Variants in PLAA observed in about 807,000 individuals in gnomAD.
The protein encoded by PLAA is phospholipase A2 activating protein.
PLAA carries 48 observed loss-of-function variants against 84.1 expected under a neutral mutation model. The ratio of observed to expected loss-of-function variants is 0.57; its 90% confidence interval spans 0.45 to 0.73. The LOEUF (loss-of-function observed/expected upper bound fraction) is 0.73, where lower values mean the gene tolerates loss of function less well. Ranked by LOEUF, PLAA falls within the 30% of genes least tolerant of loss-of-function variation. The pLI is 0.00. For missense variants in PLAA, 903 were observed against 954.7 expected, an observed-to-expected ratio of 0.95 and a Z score of 0.71; for synonymous variants, 392 against 336.6, an observed-to-expected ratio of 1.16 and a Z score of -1.80.
chr9:26,924,851 G>A (rs571522791), intron 6 of PLAA, among the ~76,000 whole-genome samples: 1 of 152,220 alleles, frequency 6.6e-6, no homozygotes, highest in African/African-American at 2.4e-5. Flanking sequence ...GAAGCTTTGC[G>A]AAATCTTTAT....
chr9:26,938,868 T>C (rs906563964), intron 1 of PLAA, among the ~76,000 whole-genome samples: 1 of 152,194 alleles, frequency 6.6e-6, no homozygotes, highest in East Asian at 1.9e-4. Context: ...AAAGTAATTA[T>C]TACTTTATGT....
intron 9 of PLAA, among the ~76,000 whole-genome samples, chr9:26,918,935 A>G (rs1318037470): frequency 6.6e-6 from 1 of 152,220 alleles, no homozygotes; most frequent in African/African-American, 2.4e-5. Flanking sequence ...AACTACCCAT[A>G]GGGTTCACTT....
intron 1 of PLAA, among the ~76,000 whole-genome samples, chr9:26,942,412 T>C (rs1472246378): frequency 6.6e-6 from 1 of 152,232 alleles, no homozygotes; most frequent in Non-Finnish European, 1.5e-5. Flanking sequence ...CCAATGTATC[T>C]AAAGGCCTTA....
chr9:26,926,685 CTTT>C (rs1255230385), intron 4 of PLAA, 125 bp from the exon 5 acceptor site: 1 of 668,588 alleles, frequency 1.5e-6, no homozygotes, highest in Admixed American at 3.5e-5. Context: ...TTAGAGAAAT[CTTT>C]TTTTTTGTTG....
Position 26,920,187 on chromosome 9 carries a change from A to G in PLAA, c.1197+40T>C, listed in dbSNP as rs374276489. On this transcript the variant is annotated intron_variant, in intron 8 of 13. Transcript: ENST00000397292. ...AAAGGAAACCTTTAATTTGCCTAAT[A>G]TTTAAGACAATAGTAATTAGAAAGT... 5 of 1,560,330 alleles carry G rather than the reference A, an allele frequency of 3.2e-6. No homozygotes were observed. The African/African-American group carries it at 6.8e-5, about 21-fold the overall frequency.
At chr9:26,941,802 T>C (rs1825553937) in intron 1 of PLAA, among the ~76,000 whole-genome samples, 1 of 149,566 alleles carries the variant, frequency 6.7e-6, no homozygotes, top group Non-Finnish European at 1.5e-5. Flanking sequence ...GTTCAATATC[T>C]GAATAAAAAC....
rs1824958826 is a variant in PLAA, at chr9:26,926,299, A to T, written c.733+94T>A. ...TAAATTATTCAAGTCATAGATAGTA[A>T]ATTAAGTAATCAGCTCTCCTCCCTC... On this transcript the variant is annotated intron_variant, in intron 5 of 13. Coordinates refer to ENST00000397292, the MANE Select transcript of PLAA (RefSeq NM_001031689.3). 3.9e-6 allele frequency: 3 copies of T among 775,284 alleles called. No homozygotes were observed. The East Asian group carries it at 7.5e-5, about 19-fold the overall frequency. 48.0% of individuals were successfully genotyped at this position (775,284 alleles called of 1,614,324 possible).
Position 26,919,342 on chromosome 9 carries a change from A to G in PLAA, c.1385T>C (p.Leu462Pro). Residue 462 changes from leucine to proline, a missense_variant, in exon 9 of 14, where the codon CTT becomes CCT. Transcript: ENST00000397292. ...TGGATCTGAAAAGCTGGGATTCCCA[A>G]GTCCCAACATTTGACCTTTTGTGTT... ...IDNTKGQMLG[L>P]GNPSFSDPFT... is the part of the protein sequence containing the mutation. 6.2e-7 allele frequency: 1 copy of G among 1,611,462 alleles called. No homozygotes were observed. Among genetic ancestry groups the G allele is most frequent in the East Asian group, 2.2e-5 (1 of 44,790 alleles).
rs192929255 is a variant in PLAA at position 26,909,334 on chromosome 9, T to A, written c.1657+1004A>T. On this transcript the variant is annotated intron_variant, in intron 12 of 13. Coordinates refer to ENST00000397292, the MANE Select transcript of PLAA (RefSeq NM_001031689.3). ...CCTGTTAGATTTTCACAAGTTTTTT[T>A]AAAAAAAATCTAAAAGTGTGCATAT... Among the ~76,000 whole-genome samples, 435 of 152,212 alleles carry A rather than the reference T, an allele frequency of 2.9e-3. 4 individuals carry two copies. Among genetic ancestry groups the A allele is most frequent in the African/African-American group, 9.9e-3 (411 of 41,540 alleles).
intron 1 of PLAA, among the ~76,000 whole-genome samples, chr9:26,936,214 TAA>T (rs1428002158): frequency 6.6e-6 from 1 of 151,344 alleles, no homozygotes; most frequent in Non-Finnish European, 1.5e-5. Context: ...TGTTTTTTAA[TAA>T]AGGCTTAATT....
At chr9:26,944,252 T>C (rs1320564477) in intron 1 of PLAA, among the ~76,000 whole-genome samples, 2 of 152,196 alleles carry the variant, frequency 1.3e-5, no homozygotes, top group Admixed American at 6.5e-5. Context: ...TGCCGATACC[T>C]TGATAATGGA....
intron 6 of PLAA, among the ~76,000 whole-genome samples, chr9:26,925,599 T>C (rs867391845): frequency 1.3e-5 from 2 of 151,786 alleles, no homozygotes; most frequent in Admixed American, 6.5e-5. Context: ...AGTACAATAC[T>C]GGTATATCAT....
At chr9:26,918,216 A>G (rs928643213) in intron 9 of PLAA, among the ~76,000 whole-genome samples, 4 of 150,604 alleles carry the variant, frequency 2.7e-5, no homozygotes, top group African/African-American at 9.8e-5. Flanking sequence ...GGTTCACGTG[A>G]TTCTCCTGCC....
intron 10 of PLAA, 105 bp downstream of exon 10, chr9:26,916,992 G>C (rs971671246): frequency 1.2e-5 from 11 of 933,634 alleles, no homozygotes; most frequent in Non-Finnish European, 1.8e-5. Flanking sequence ...ATGCAGATAA[G>C]GGAATTACCA....
chr9:26,914,648 A>T (rs1351522300), intron 10 of PLAA, among the ~76,000 whole-genome samples: 1 of 152,222 alleles, frequency 6.6e-6, no homozygotes, highest in African/African-American at 2.4e-5. Context: ...TTGAAATTTA[A>T]CCATATGCCA....
rs186723583 is a variant in PLAA, at chr9:26,908,372, T to C, written c.1658-374A>G. On this transcript the variant is annotated intron_variant, in intron 12 of 13. Coordinates refer to ENST00000397292, the MANE Select transcript of PLAA (RefSeq NM_001031689.3). ...TAGTAGAGACGGGGTTTCACCACAT[T>C]AGCCAGGATGGTCTCAATCTCCTGA... Among the ~76,000 whole-genome samples the C allele has an allele frequency of 2.0e-4, 30 of 151,890 alleles. No homozygotes were observed. In the East Asian group the frequency reaches 3.3e-3, roughly 17 times the overall value.
At chr9:26,914,218 A>G (rs566684664) in intron 10 of PLAA, among the ~76,000 whole-genome samples, 1 of 151,450 alleles carries the variant, frequency 6.6e-6, no homozygotes, top group South Asian at 2.1e-4. Context: ...GGAGAGAAAT[A>G]AAAGTTTCCA....
chr9:26,935,874 T>C (rs1292560927), intron 1 of PLAA, among the ~76,000 whole-genome samples: 1 of 150,782 alleles, frequency 6.6e-6, no homozygotes, highest in African/African-American at 2.4e-5. Context: ...TAATGTTATA[T>C]ATAATTATAT....
intron 6 of PLAA, among the ~76,000 whole-genome samples, chr9:26,923,906 A>T (rs1333957666): frequency 2.0e-5 from 3 of 152,302 alleles, no homozygotes; most frequent in African/African-American, 7.2e-5. Flanking sequence ...CTGAGATAGG[A>T]GAAGCAAATT....
Sources: gnomAD v4.1 joint callset for allele counts (sites outside exome capture counted in the v4.1 genomes callset) on GRCh38, gnomAD v4.1.1 for gene constraint, MANE v1.5 for transcripts, NCBI Gene and HGNC (gene_info 2026-07-23, HGNC 2026-07-21) for gene names.